SBNO1: variants seen among roughly 807,000 people sequenced by gnomAD.
SBNO1 encodes the protein protein strawberry notch homolog 1.
A neutral mutation model predicts 173.6 loss-of-function variants in SBNO1; 23 were observed. The observed-to-expected ratio is 0.13, with a 90% CI of 0.10 to 0.19. The LOEUF is 0.19. Ranked by LOEUF, SBNO1 falls within the 10% of genes least tolerant of loss-of-function variation. The pLI is 1.00. For synonymous variants in SBNO1, 632 were observed against 571.5 expected, an observed-to-expected ratio of 1.11 and a Z score of -1.51; for missense variants, 1,238 against 1,671.2, an observed-to-expected ratio of 0.74 and a Z score of 4.52.
intron 24 of SBNO1, among the ~76,000 whole-genome samples, chr12:123,312,839 C>T (rs1162326270): frequency 6.6e-6 from 1 of 152,116 alleles, no homozygotes; most frequent in Non-Finnish European, 1.5e-5. Context: ...AAACCTCCCA[C>T]CCCAACCAAT....
Position 123,311,085 on chromosome 12 carries a change from C to G in SBNO1, c.3265G>C (p.Asp1089His). ...LIGVGLINVE[D>H]RSGILTLDKD... The stretch of plus-strand genomic sequence containing the variant: ...TCGAGAGTAAGAATTCCCGAGCGAT[C>G]TTCTACATTTATCAGGCCAACGCCT... The change falls in exon 25 of 32, where the codon GAT becomes CAT. Residue 1089 changes from aspartate to histidine, a missense_variant. Transcript: ENST00000602398. 1.2e-6 allele frequency: 2 copies of G among 1,613,602 alleles called. No individual in the cohort carries two copies. Among genetic ancestry groups the G allele is most frequent in the Middle Eastern group, 1.6e-4 (1 of 6,062 alleles).
At chr12:123,364,561 C>T (rs1045718394) in intron 1 of SBNO1, 140 bp downstream of exon 1, 507 of 983,686 alleles carry the variant, frequency 5.2e-4, no homozygotes, top group Non-Finnish European at 5.9e-4. Context: ...CGAGGAGCGG[C>T]AAGCGGCGAG....
chr12:123,332,181 AT>A (rs879689681), intron 7 of SBNO1, among the ~76,000 whole-genome samples: 3 of 152,132 alleles, frequency 2.0e-5, no homozygotes, highest in Non-Finnish European at 4.4e-5. Flanking sequence ...TTTACTGTAT[AT>A]TATCTCCTGC....
intron 28 of SBNO1, among the ~76,000 whole-genome samples, chr12:123,308,597 C>G (rs973578001): frequency 6.6e-6 from 1 of 152,042 alleles, no homozygotes; most frequent in Admixed American, 6.6e-5. Flanking sequence ...ATGGCATGAA[C>G]CCGGGAGGTG....
At chr12:123,320,887 C>A in intron 17 of SBNO1, 21 bp from the exon 18 acceptor site, 1 of 1,494,594 alleles carries the variant, frequency 6.7e-7, no homozygotes, top group Non-Finnish European at 9.0e-7. Context: ...AGGAAAGATA[C>A]ATGTCAAATC....
intron 3 of SBNO1, among the ~76,000 whole-genome samples, chr12:123,346,429 C>A (rs1280742717): frequency 6.6e-6 from 1 of 152,154 alleles, no homozygotes; most frequent in Non-Finnish European, 1.5e-5. Flanking sequence ...CTTTGGGAGG[C>A]TGAGGCGGGC....
intron 3 of SBNO1, 94 bp downstream of exon 3, chr12:123,347,935 G>C (rs909436795): frequency 6.1e-6 from 4 of 659,298 alleles, no homozygotes; most frequent in African/African-American, 5.5e-5. Flanking sequence ...TCAAAGTGCT[G>C]AGACTACAGG....
chr12:123,364,006 A>C, intron 1 of SBNO1: 1 of 985,432 alleles, frequency 1.0e-6, no homozygotes, highest in South Asian at 4.7e-5. Context: ...AACGCTCTCA[A>C]AGTAAGCAAA....
At chr12:123,336,936 C>T (rs944039267) in intron 5 of SBNO1, among the ~76,000 whole-genome samples, 2 of 152,290 alleles carry the variant, frequency 1.3e-5, no homozygotes, top group African/African-American at 4.8e-5. Context: ...CCCTGCATCA[C>T]CACAAGCAAG....
chr12:123,320,051 C>A lies in SBNO1; in HGVS notation c.2668-20G>T, dbSNP rs541551902. 12 of 1,613,464 alleles carry A rather than the reference C, an allele frequency of 7.4e-6. No individual in the cohort carries two copies. Among genetic ancestry groups the A allele is most frequent in the Non-Finnish European group, 1.0e-5 (12 of 1,179,858 alleles). On this transcript the variant is annotated intron_variant, in intron 19 of 31. Coordinates refer to ENST00000602398, the MANE Select transcript of SBNO1 (RefSeq NM_001167856.3). ...AGTCATCTGAGAAGCCAAACAATGT[C>A]ATTACAATGAAGGTATCTGACTGCG...
intron 1 of SBNO1, among the ~76,000 whole-genome samples, chr12:123,358,060 A>G (rs1031794562): frequency 6.6e-6 from 1 of 152,336 alleles, no homozygotes; most frequent in South Asian, 2.1e-4. Flanking sequence ...GAAGTGACTC[A>G]GGGTTTTTTG....
At position 123,294,018 on chromosome 12, in the gene SBNO1, T is replaced by G. The variant is rs969643422; in HGVS notation, c.*1890A>C. ...GCTGAAGGTGGGGAGAGTGCTGCTC[T>G]TGGCTGCCAGCCGGGTCTAGCGGCC... On this transcript the variant is annotated 3_prime_UTR_variant, in exon 32 of 32. Coordinates refer to ENST00000602398, the MANE Select transcript of SBNO1 (RefSeq NM_001167856.3). 2.6e-5 allele frequency: 4 copies of G among 152,370 alleles called. No individual in the cohort carries two copies. The highest frequency in any genetic ancestry group is 9.6e-5 in the African/African-American group (4 of 41,484). 9.4% of individuals were successfully genotyped at this position (152,370 alleles called of 1,614,324 possible).
intron 28 of SBNO1, among the ~76,000 whole-genome samples, chr12:123,305,352 A>G (rs2048887448): frequency 6.6e-6 from 1 of 152,250 alleles, no homozygotes; most frequent in African/African-American, 2.4e-5. Context: ...AGTGTTCTGT[A>G]AACATCAAAG....
At position 123,309,649 on chromosome 12, in the gene SBNO1, G is replaced by T. The variant is rs1329612374; in HGVS notation, c.3442+61C>A. 4.4e-6 allele frequency: 7 copies of T among 1,600,956 alleles called. No homozygotes were observed. The East Asian group carries it at 1.3e-4, about 31-fold the overall frequency. On this transcript the variant is annotated intron_variant, in intron 26 of 31. Coordinates refer to ENST00000602398, the MANE Select transcript of SBNO1 (RefSeq NM_001167856.3). ...TTTTTATCAGGTACACACGTTTAAA[G>T]AATTTCTCCACTCCACATTTTCCCT...
intron 29 of SBNO1, among the ~76,000 whole-genome samples, chr12:123,303,922 C>CTTTTTTT (rs11413728): frequency 3.0e-4 from 30 of 100,462 alleles, no homozygotes; most frequent in Non-Finnish European, 4.1e-4. Flanking sequence ...AATAAGTATT[C>CTTTTTTT]TTTTTTTTTT....
intron 5 of SBNO1, among the ~76,000 whole-genome samples, chr12:123,339,706 G>A (rs980845636): frequency 6.6e-6 from 1 of 152,066 alleles, no homozygotes; most frequent in Non-Finnish European, 1.5e-5. Context: ...AGAATCGCTC[G>A]AACCTGGGAG....
At chr12:123,332,715 T>C (rs7311304) in intron 7 of SBNO1, among the ~76,000 whole-genome samples, 144,872 of 152,086 alleles carry the variant, frequency 0.95, 69,125 homozygotes, top group Non-Finnish European at 0.96. Flanking sequence ...TAGAGGTGTG[T>C]ACCACCATGC....
intron 6 of SBNO1, among the ~76,000 whole-genome samples, chr12:123,334,817 A>T (rs1871648335): frequency 6.6e-6 from 1 of 152,254 alleles, no homozygotes; most frequent in Non-Finnish European, 1.5e-5. Flanking sequence ...GTTCTCTAGT[A>T]GTAACAGAAC....
chr12:123,362,903 C>A lies in SBNO1; in HGVS notation c.-1+1798G>T, dbSNP rs556305016. ...TAGCTGCCTCCCAACATGGTGAGAC[C>A]CCCGCCTCTCAACAAAAAAATTAAA... On this transcript the variant is annotated intron_variant, in intron 1 of 31. Coordinates refer to ENST00000602398, the MANE Select transcript of SBNO1 (RefSeq NM_001167856.3). Among the ~76,000 whole-genome samples, 54 of 151,342 alleles carry A rather than the reference C, an allele frequency of 3.6e-4. No individual in the cohort carries two copies. In the South Asian group the frequency reaches 7.7e-3, roughly 22 times the overall value.
Sources: allele counts gnomAD v4.1 joint callset (sites outside exome capture counted in the v4.1 genomes callset), GRCh38; gene constraint gnomAD v4.1.1; transcripts MANE v1.5; gene names NCBI Gene and HGNC (gene_info 2026-07-23, HGNC 2026-07-21).